Variants in LRIG1 observed in about 807,000 individuals in gnomAD.
LRIG1 encodes the protein leucine-rich repeats and immunoglobulin-like domains protein 1.
LRIG1 carries 48 observed loss-of-function variants against 99.2 expected under a neutral mutation model. The observed-to-expected ratio is 0.48, with a 90% confidence interval of 0.38 to 0.62. The LOEUF (loss-of-function observed/expected upper bound fraction) is 0.62, where lower values mean the gene tolerates loss of function less well. LRIG1 is among the 20% of genes least tolerant of loss of function. LRIG1 has a pLI of 0.00. For missense variants in LRIG1, 1,646 were observed against 1,434.4 expected (o/e 1.15, Z -2.38); for synonymous variants, 772 against 596.1 (o/e 1.29, Z -4.30).
chr3:66,401,504 G>A, intron 9 of LRIG1: 1 of 712,390 alleles, frequency 1.4e-6, no homozygotes, highest in South Asian at 2.4e-5. Flanking sequence ...TACAATGAGG[G>A]CAGGCTGTTA....
rs113685827 is a variant in LRIG1, at chr3:66,380,483, G to A, written c.3062C>T (p.Ser1021Phe). The A allele has an allele frequency of 1.9e-6, 3 of 1,614,148 alleles. No homozygotes were observed. The highest frequency in any genetic ancestry group is 2.5e-6 in the Non-Finnish European group (3 of 1,180,004). The change falls in exon 19 of 19, where the codon TCT becomes TTT. Residue 1021 changes from serine to phenylalanine, a missense_variant. Transcript: ENST00000273261. ...ATACAACCTTGCTAAAGTCCAGGAA[G>A]AATCCCCTACAAGGAAAGAACGAAC... is the stretch of plus-strand genomic sequence containing the variant. Reference protein sequence around the residue: ...PMASLDGKGDSSWTLARLYHP... With the variant: ...PMASLDGKGDFSWTLARLYHP...
intron 3 of LRIG1, among the ~76,000 whole-genome samples, chr3:66,450,040 CA>C (rs747594240): frequency 4.9e-4 from 74 of 152,332 alleles, no homozygotes; most frequent in Admixed American, 2.1e-3. Context: ...TATGGACACA[CA>C]ACAGGTTATC....
chr3:66,394,895 TTAG>T (rs1262705782), intron 11 of LRIG1, among the ~76,000 whole-genome samples: 1 of 152,258 alleles, frequency 6.6e-6, no homozygotes, highest in African/African-American at 2.4e-5. Context: ...ATAGTGCTTG[TTAG>T]TTAATTGCCA....
At chr3:66,425,367 T>C (rs896299140) in intron 3 of LRIG1, among the ~76,000 whole-genome samples, 1 of 152,238 alleles carries the variant, frequency 6.6e-6, no homozygotes, top group Non-Finnish European at 1.5e-5. Flanking sequence ...CAGAGTCCTG[T>C]GTGAGAAGCA....
intron 8 of LRIG1, 115 bp downstream of exon 8, chr3:66,407,233 G>T: frequency 1.8e-6 from 2 of 1,106,776 alleles, no homozygotes; most frequent in Non-Finnish European, 2.7e-6. Flanking sequence ...AGCCAGCTTT[G>T]GATCCAATTC....
rs146396458 is a variant in LRIG1, at chr3:66,406,297, A to T, written c.1080-1019T>A. 3.5e-5 allele frequency: 34 copies of T among 985,216 alleles called. No homozygotes were observed. In the East Asian group the frequency reaches 3.5e-3, roughly 102 times the overall value. The allele number at this position is 985,216 out of a possible 1,614,324, so 61.0% of individuals were successfully genotyped here. ...ATACTGAAAAAACCAGGAACCAGGG[A>T]CCCGGGGCTGTGGCTTTGTGTGCCT... On this transcript the variant is annotated intron_variant, in intron 8 of 18. Coordinates refer to ENST00000273261, the MANE Select transcript of LRIG1 (RefSeq NM_015541.3).
At chr3:66,429,682 T>C (rs1367571645) in intron 3 of LRIG1, among the ~76,000 whole-genome samples, 1 of 152,124 alleles carries the variant, frequency 6.6e-6, no homozygotes, top group Non-Finnish European at 1.5e-5. Context: ...GACTGAACTC[T>C]AATGTAAACT....
Position 66,386,253 on chromosome 3 carries a change from G to C in LRIG1, c.1517C>G (p.Ala506Gly). The C allele has an allele frequency of 6.2e-7, 1 of 1,614,134 alleles. No homozygotes were observed. The highest frequency in any genetic ancestry group is 8.5e-7 in the Non-Finnish European group (1 of 1,179,998). Reference sequence around the variant, plus strand: ...AAACCGGATGTCCTTGCCCACCATAGCCATGGTGGTTTCTGGCTGGGTGAT... The same window carrying C: ...AAACCGGATGTCCTTGCCCACCATACCCATGGTGGTTTCTGGCTGGGTGAT... ...QIITQPETTMAMVGKDIRFTC... is the reference protein window; with the variant it reads ...QIITQPETTMGMVGKDIRFTC... The change falls in exon 13 of 19, where the codon GCT (alanine) becomes GGT (glycine). Residue 506 changes from alanine to glycine, a missense_variant. Coordinates refer to ENST00000273261, the MANE Select transcript of LRIG1 (RefSeq NM_015541.3).
At position 66,382,399 on chromosome 3, in the gene LRIG1, C is replaced by G; in HGVS notation, c.2492-1G>C. ...ACATCTGGTGGCACGACGGTTTCAT[C>G]TGCAAGGAGACAGAACAAATAGAAC... On this transcript the variant is annotated splice_acceptor_variant, in intron 15 of 18. Transcript: ENST00000273261. LOFTEE classifies it high-confidence loss of function. The G allele has an allele frequency of 1.9e-6, 3 of 1,614,222 alleles. No homozygotes were observed. The highest frequency in any genetic ancestry group is 2.5e-6 in the Non-Finnish European group (3 of 1,180,024).
chr3:66,445,532 G>A (rs1026640968), intron 3 of LRIG1, among the ~76,000 whole-genome samples: 2 of 151,836 alleles, frequency 1.3e-5, no homozygotes, highest in Non-Finnish European at 2.9e-5. Flanking sequence ...CGCCCACCTC[G>A]ACTGTACACA....
intron 13 of LRIG1, 86 bp from the exon 14 acceptor site, chr3:66,384,358 TGTGCCCA>T: frequency 7.2e-7 from 1 of 1,385,610 alleles, no homozygotes; most frequent in Non-Finnish European, 1.0e-6. Context: ...TACCTGTCAC[TGTGCCCA>T]GTGCCAGTTC....
intron 3 of LRIG1, among the ~76,000 whole-genome samples, chr3:66,419,799 C>T (rs1243254703): frequency 6.6e-6 from 1 of 152,058 alleles, no homozygotes; most frequent in Non-Finnish European, 1.5e-5. Flanking sequence ...CTGTCTCCTC[C>T]CAACTTCAGC....
intron 1 of LRIG1, among the ~76,000 whole-genome samples, chr3:66,492,624 A>G (rs554082892): frequency 6.6e-6 from 1 of 152,294 alleles, no homozygotes; most frequent in East Asian, 1.9e-4. Context: ...AATCAACGCA[A>G]AACACTTAAA....
chr3:66,384,855 C>G (rs1701289121), intron 13 of LRIG1, among the ~76,000 whole-genome samples: 1 of 152,116 alleles, frequency 6.6e-6, no homozygotes, highest in Admixed American at 6.5e-5. Context: ...TGGGACGCAT[C>G]CAGCCACGTG....
intron 3 of LRIG1, among the ~76,000 whole-genome samples, chr3:66,427,377 C>T (rs1281975086): frequency 6.6e-6 from 1 of 152,240 alleles, no homozygotes; most frequent in East Asian, 1.9e-4. Context: ...ATATTACTGA[C>T]GGAAGATGAA....
At chr3:66,479,411 T>C (rs1035836753) in intron 1 of LRIG1, among the ~76,000 whole-genome samples, 1 of 152,172 alleles carries the variant, frequency 6.6e-6, no homozygotes, top group African/African-American at 2.4e-5. Flanking sequence ...CTTTTTCCCT[T>C]GAGATTCCAA....
Position 66,406,139 on chromosome 3 carries a change from C to T in LRIG1, c.1080-861G>A, listed in dbSNP as rs184194104. 143 of 985,510 alleles carry T rather than the reference C, an allele frequency of 1.5e-4. No homozygotes were observed. The East Asian group carries it at 0.013, about 88-fold the overall frequency. 61.0% of individuals were successfully genotyped at this position (985,510 alleles called of 1,614,324 possible). On this transcript the variant is annotated intron_variant, in intron 8 of 18. Coordinates refer to ENST00000273261, the MANE Select transcript of LRIG1 (RefSeq NM_015541.3). ...CTGCAGCAGGAATCAATGCTGCCAG[C>T]AGAGAGGGCAGCTCTGACTGAAGAG...
intron 14 of LRIG1, among the ~76,000 whole-genome samples, chr3:66,383,790 A>G (rs1050544410): frequency 2.0e-5 from 3 of 152,198 alleles, no homozygotes; most frequent in Non-Finnish European, 4.4e-5. Flanking sequence ...AAGACTCTTA[A>G]TTCACCAGCT....
chr3:66,384,552 C>T (rs530532225), intron 13 of LRIG1, among the ~76,000 whole-genome samples: 4 of 152,096 alleles, frequency 2.6e-5, no homozygotes, highest in African/African-American at 7.2e-5. Context: ...AGTGCCTATA[C>T]GGGAGTTGCA....
Sources: allele counts gnomAD v4.1 joint callset (sites outside exome capture counted in the v4.1 genomes callset), GRCh38; gene constraint gnomAD v4.1.1; transcripts MANE v1.5; gene names NCBI Gene and HGNC (gene_info 2026-07-23, HGNC 2026-07-21).